CRMP1: variants seen among roughly 807,000 people sequenced by gnomAD.
CRMP1 encodes the protein dihydropyrimidinase-related protein 1.
Under a neutral mutation model 68.3 loss-of-function variants are expected in CRMP1, and 19 were observed. The ratio of observed to expected loss-of-function variants is 0.28; its 90% CI spans 0.19 to 0.41. The LOEUF (loss-of-function observed/expected upper bound fraction) is 0.41. Among genes scored for constraint, CRMP1 ranks in the 10% least tolerant of loss-of-function variants. The probability of loss-of-function intolerance (pLI) is 1.00; values close to 1 mark genes in which losing one functional copy is unlikely to be tolerated. For synonymous variants in CRMP1, 439 were observed against 399.6 expected, an observed-to-expected ratio of 1.10 and a Z score of -1.18; for missense variants, 791 against 967.4, an observed-to-expected ratio of 0.82 and a Z score of 2.42.
chr4:5,840,826 G>A (rs1478204382), intron 8 of CRMP1, among the ~76,000 whole-genome samples: 2 of 152,106 alleles, frequency 1.3e-5, no homozygotes, highest in African/African-American at 4.8e-5. Flanking sequence ...TGCTGTTCTA[G>A]CCTCTACTTG....
rs190776806 is a variant in CRMP1, at chr4:5,892,137, G to A, written c.381+452C>T. Among the ~76,000 whole-genome samples the A allele has an allele frequency of 1.3e-4, 19 of 151,710 alleles. No homozygotes were observed. Among genetic ancestry groups the A allele is most frequent in the Admixed American group, 5.2e-4 (8 of 15,268 alleles). On this transcript the variant is annotated intron_variant, in intron 1 of 13. Coordinates refer to ENST00000324989, the MANE Select transcript of CRMP1 (RefSeq NM_001014809.3). This position sits in a 1 kb window ranked among gnomAD's most constrained non-coding sequence, Gnocchi z 8.6. Reference sequence around the variant, plus strand: ...CTCGCGGAACCTCTCCCGGGGCCCGGCACACAGTAGGTGCTCTATAATTAC... The same window carrying A: ...CTCGCGGAACCTCTCCCGGGGCCCGACACACAGTAGGTGCTCTATAATTAC...
At chr4:5,864,436 A>G (rs773441979) in intron 2 of CRMP1, among the ~76,000 whole-genome samples, 1 of 152,164 alleles carries the variant, frequency 6.6e-6, no homozygotes, top group African/African-American at 2.4e-5. Context: ...CCCACCCCCA[A>G]TCTGCCTTCC....
chr4:5,868,261 C>CTATATATATATATATATATA (rs60816757), intron 1 of CRMP1, among the ~76,000 whole-genome samples: 6 of 111,462 alleles, frequency 5.4e-5, no homozygotes, highest in Admixed American at 1.0e-4. Flanking sequence ...GACTATATAT[C>CTATATATATATATATATATA]TATATATATA....
chr4:5,828,802 A>G (rs1720093247), intron 11 of CRMP1, 134 bp from the exon 12 acceptor site: 1 of 1,085,014 alleles, frequency 9.2e-7, no homozygotes, highest in Admixed American at 2.8e-5. Flanking sequence ...AATACCTTTT[A>G]TTGACTGTAA....
chr4:5,839,563 C>G lies in CRMP1; in HGVS notation c.1269G>C (p.Pro423=). 6.2e-7 allele frequency: 1 copy of G among 1,611,872 alleles called. No individual in the cohort carries two copies. Among genetic ancestry groups the G allele is most frequent in the South Asian group, 1.1e-5 (1 of 90,452 alleles). ...TCAAGTAGTCGGGCGTGGTAGGGTCCGGGCTCAGGGGAGGGGAAGTCACGA... is the reference window on the plus strand; with the variant it reads ...TCAAGTAGTCGGGCGTGGTAGGGTCGGGGCTCAGGGGAGGGGAAGTCACGA... ...AAFVTSPPLS[P]DPTTPDYLTS... is the part of the protein sequence containing the mutation. Residue 423 remains proline (P), a synonymous_variant, in exon 9 of 14, where the codon CCG becomes CCC. Transcript: ENST00000324989.
chr4:5,851,973 AGG>A (rs375215185), intron 4 of CRMP1, among the ~76,000 whole-genome samples: 630 of 17,126 alleles, frequency 0.037, 5 homozygotes, highest in South Asian at 0.2. Context: ...GAAGAGGAAG[AGG>A]AGGAGGAAGA....
At chr4:5,827,626 A>G (rs1719854160) in intron 12 of CRMP1, among the ~76,000 whole-genome samples, 1 of 152,062 alleles carries the variant, frequency 6.6e-6, no homozygotes, top group Non-Finnish European at 1.5e-5. Context: ...ACGCGCACAC[A>G]CACACACTCC....
At position 5,888,263 on chromosome 4, in the gene CRMP1, A is replaced by T. The variant is rs1308607005; in HGVS notation, c.381+4326T>A. ...GGGATGCTCTTCTTGCCCTGGTACG[A>T]CATGGCCCCCTCTGGCGCCCTCGGC... is the stretch of plus-strand genomic sequence containing the variant. On this transcript the variant is annotated intron_variant, in intron 1 of 13. Transcript: ENST00000324989. The surrounding 1 kb of genome is among the most constrained non-coding windows in gnomAD (Gnocchi z 6.4). 1.6e-6 allele frequency: 2 copies of T among 1,281,848 alleles called. No individual in the cohort carries two copies. Among genetic ancestry groups the T allele is most frequent in the Non-Finnish European group, 2.0e-6 (2 of 1,007,570 alleles). The allele number at this position is 1,281,848 out of a possible 1,614,324, so 79.4% of individuals were successfully genotyped here.
chr4:5,857,265 C>A (rs999727100), intron 3 of CRMP1, among the ~76,000 whole-genome samples: 1 of 151,492 alleles, frequency 6.6e-6, no homozygotes, highest in Admixed American at 6.6e-5. Context: ...CTATCATTAT[C>A]ACCCCATCAT....
At position 5,889,868 on chromosome 4, in the gene CRMP1, A is replaced by C. The variant is rs1309110439; in HGVS notation, c.381+2721T>G. The C allele has an allele frequency of 7.0e-7, 1 of 1,431,140 alleles. No individual in the cohort carries two copies. Among genetic ancestry groups the C allele is most frequent in the Non-Finnish European group, 9.1e-7 (1 of 1,095,510 alleles). The allele number at this position is 1,431,140 out of a possible 1,614,324, so 88.7% of individuals were successfully genotyped here. On this transcript the variant is annotated intron_variant, in intron 1 of 13. Coordinates refer to ENST00000324989, the MANE Select transcript of CRMP1 (RefSeq NM_001014809.3). This position sits in a 1 kb window ranked among gnomAD's most constrained non-coding sequence, Gnocchi z 4.5. ...GGCCTTAAAATAGAGGTGAGGTTTT[A>C]GCTTCACAGAGAAGCCAGCTCAGTA...
At chr4:5,876,789 G>A (rs1435885866) in intron 1 of CRMP1, among the ~76,000 whole-genome samples, 1 of 150,770 alleles carries the variant, frequency 6.6e-6, no homozygotes, top group African/African-American at 2.5e-5. Flanking sequence ...GGCCCAGCTG[G>A]TCCTCAGAAT....
In CRMP1 at chr4:5,892,953, C is replaced by T; in HGVS notation, c.17G>A (p.Arg6His). Residue 6 changes from arginine to histidine, a missense_variant, in exon 1 of 14, where the codon CGC becomes CAC. Arg to His is a conservative substitution (Grantham distance 29). Around this residue, in one of 3 missense-constraint regions of CRMP1, gnomAD observed 4 missense variants for 17.5 expected, o/e 0.23. Transcript: ENST00000324989. The surrounding 1 kb of genome is among the most constrained non-coding windows in gnomAD (Gnocchi z 8.6). Reference protein sequence around the residue: MADRRRAWNTEDDLPV... With the variant: MADRRHAWNTEDDLPV... ...CAGGTCGTCCTCGGTGTTCCACGCGCGCCGCCGGTCCGCCATACCCGTCCA... is the reference window on the plus strand; with the variant it reads ...CAGGTCGTCCTCGGTGTTCCACGCGTGCCGCCGGTCCGCCATACCCGTCCA... 1 of 1,233,248 alleles carries T rather than the reference C, an allele frequency of 8.1e-7. No individual in the cohort carries two copies. The highest frequency in any genetic ancestry group is 4.3e-5 in the Admixed American group (1 of 23,474). The allele number at this position is 1,233,248 out of a possible 1,614,324, so 76.4% of individuals were successfully genotyped here.
Position 5,861,168 on chromosome 4 carries a change from G to A in CRMP1, c.513C>T (p.Thr171=). 1 of 1,614,170 alleles carries A rather than the reference G, an allele frequency of 6.2e-7. No individual in the cohort carries two copies. The highest frequency in any genetic ancestry group is 8.5e-7 in the Non-Finnish European group (1 of 1,180,018). Reference sequence around the variant, plus strand: ...TAACCATCCGCCCGTTGGCTTCAATGGTCTTCACTCCACCAGGAACGATTA... The same window carrying A: ...TAACCATCCGCCCGTTGGCTTCAATAGTCTTCACTCCACCAGGAACGATTA... The part of the protein sequence containing the change: ...ENLIVPGGVK[T]IEANGRMVIP... Residue 171 remains threonine, a synonymous_variant, in exon 3 of 14, where the codon ACC becomes ACT. Coordinates refer to ENST00000324989, the MANE Select transcript of CRMP1 (RefSeq NM_001014809.3). The surrounding 1 kb of genome is among the most constrained non-coding windows in gnomAD (Gnocchi z 6.0).
chr4:5,821,465 T>TGGAAG lies in CRMP1; in HGVS notation c.*290_*294dup. On this transcript the variant is annotated 3_prime_UTR_variant, in exon 14 of 14. Transcript: ENST00000324989. The surrounding 1 kb of genome is among the most constrained non-coding windows in gnomAD (Gnocchi z 4.4). ...ATCATGGAGCCAGTGGAGTTAGAAG[T>TGGAAG]GGAAGGGACAGAACAAGACAATGCT... is the stretch of plus-strand genomic sequence containing the variant. The TGGAAG allele has an allele frequency of 2.5e-6, 1 of 405,656 alleles. No homozygotes were observed. The allele number at this position is 405,656 out of a possible 1,614,324, so 25.1% of individuals were successfully genotyped here. A position where few individuals can be genotyped will look rare whatever the true frequency, so the allele number is the denominator to read the frequency against.
chr4:5,856,262 A>C lies in CRMP1; in HGVS notation c.701T>G (p.Phe234Cys). The C allele has an allele frequency of 6.2e-7, 1 of 1,613,876 alleles. No individual in the cohort carries two copies. Among genetic ancestry groups the C allele is most frequent in the South Asian group, 1.1e-5 (1 of 91,068 alleles). ...PEPGSSLLTSFEKWHEAADTK... is the reference protein window; with the variant it reads ...PEPGSSLLTSCEKWHEAADTK... ...GTCAGCTGCTTCGTGCCACTTCTCG[A>C]AAGAGGTCAGTAGGCTGGACCCAGG... The change falls in exon 4 of 14, where the codon TTC becomes TGC. Residue 234 changes from phenylalanine to cysteine, a missense_variant. Phe to Cys is a radical substitution (Grantham distance 205). This residue lies in a region of CRMP1 where 594 missense variants were observed against 763.6 expected (regional missense o/e 0.78). Transcript: ENST00000324989.
chr4:5,826,649 A>G (rs1455702947), intron 12 of CRMP1: 1 of 152,252 alleles, frequency 6.6e-6, no homozygotes, highest in Non-Finnish European at 1.5e-5. Flanking sequence ...TTGGGAGGGC[A>G]CCTGCTCCAG....
rs1715864173 is a variant in CRMP1, at chr4:5,889,970, C to T, written c.381+2619G>A. 3.2e-6 allele frequency: 4 copies of T among 1,260,556 alleles called. No homozygotes were observed. The highest frequency in any genetic ancestry group is 4.0e-6 in the Non-Finnish European group (4 of 988,470). 78.1% of individuals were successfully genotyped at this position (1,260,556 alleles called of 1,614,324 possible). On this transcript the variant is annotated intron_variant, in intron 1 of 13. Coordinates refer to ENST00000324989, the MANE Select transcript of CRMP1 (RefSeq NM_001014809.3). The surrounding 1 kb of genome is among the most constrained non-coding windows in gnomAD (Gnocchi z 4.5). The stretch of plus-strand genomic sequence containing the variant: ...CTTACAGAGGTAAAATGATGTACCC[C>T]GGGTGCAAAACATATTAGCTGCAGC...
chr4:5,851,934 G>A (rs113430097), intron 4 of CRMP1, among the ~76,000 whole-genome samples: 1 of 141,654 alleles, frequency 7.1e-6, no homozygotes, highest in East Asian at 2.0e-4. Flanking sequence ...GGAAGAGGAG[G>A]AAGAGGAGGA....
intron 9 of CRMP1, among the ~76,000 whole-genome samples, chr4:5,837,356 G>C (rs905100243): frequency 6.6e-6 from 1 of 151,840 alleles, no homozygotes; most frequent in Non-Finnish European, 1.5e-5. Context: ...CAGGCTGAGT[G>C]TGGTGGCTCA....
Sources: gnomAD v4.1 joint callset for allele counts (sites outside exome capture counted in the v4.1 genomes callset) on GRCh38, gnomAD v4.1.1 for gene constraint, gnomAD v4.1.1 regional missense constraint, Gnocchi (gnomAD v3.1) non-coding constraint, MANE v1.5 for transcripts, NCBI Gene and HGNC (gene_info 2026-07-23, HGNC 2026-07-21) for gene names.